Variants in TOP3B observed in about 807,000 individuals in gnomAD.
TOP3B encodes the protein DNA topoisomerase III beta.
A neutral mutation model predicts 93.9 loss-of-function variants in TOP3B; 45 were observed. The observed-to-expected ratio is 0.48, with a 90% CI of 0.38 to 0.61. The LOEUF is 0.61. Among genes scored for constraint, TOP3B ranks in the 20% least tolerant of loss-of-function variants. TOP3B has a pLI of 0.00. For missense variants in TOP3B, 750 were observed against 1,156.1 expected, an observed-to-expected ratio of 0.65 and a Z score of 5.09; for synonymous variants, 357 against 472.6, an observed-to-expected ratio of 0.76 and a Z score of 3.17.
intron 17 of TOP3B, 64 bp downstream of exon 17, chr22:21,958,428 G>C (rs777478531): frequency 2.0e-5 from 32 of 1,609,640 alleles, no homozygotes; most frequent in Non-Finnish European, 2.4e-5. Context: ...CTGGTGCAAG[G>C]CAGGGGTTGG....
chr22:21,981,658 G>A (rs982808353), intron 1 of TOP3B, among the ~76,000 whole-genome samples: 3 of 152,058 alleles, frequency 2.0e-5, no homozygotes, highest in Non-Finnish European at 4.4e-5. Flanking sequence ...TTAGCTGGGC[G>A]TGGTGGCGCA....
In TOP3B at chr22:21,971,284, C is replaced by T. The variant is rs1017507852; in HGVS notation, c.384+593G>A. 2.4e-5 allele frequency: 6 copies of T among 246,516 alleles called. No homozygotes were observed. Among genetic ancestry groups the T allele is most frequent in the South Asian group, 8.4e-5 (3 of 35,518 alleles). 15.3% of individuals were successfully genotyped at this position (246,516 alleles called of 1,614,324 possible). A position where few individuals can be genotyped will look rare whatever the true frequency, so the allele number is the denominator to read the frequency against. ...AGCTGGGGGTACAGGAGCACGGGGGCGACCCATAGAACAACAGTCTGAAGG... is the reference window on the plus strand; with the variant it reads ...AGCTGGGGGTACAGGAGCACGGGGGTGACCCATAGAACAACAGTCTGAAGG... On this transcript the variant is annotated intron_variant, in intron 5 of 17. Transcript: ENST00000357179. This position sits in a 1 kb window ranked among gnomAD's most constrained non-coding sequence, Gnocchi z 4.6.
Position 21,960,324 on chromosome 22 carries a change from T to C in TOP3B, c.1651A>G (p.Ile551Val). The change falls in exon 14 of 18, where the codon ATT becomes GTT. Residue 551 changes from isoleucine (I) to valine (V), a missense_variant. Around this residue, in one of 4 missense-constraint regions of TOP3B, gnomAD observed 737 missense variants for 933.7 expected, o/e 0.79. Coordinates refer to ENST00000357179, the MANE Select transcript of TOP3B (RefSeq NM_001282112.2). ...GIVLVHGYYK[I>V]DAELVLPTIR... ...GGGGCAGGACTGAGGAACTCACCAATCTTATAGTAGCCGTGCACCAGGACG... is the reference window on the plus strand; with the variant it reads ...GGGGCAGGACTGAGGAACTCACCAACCTTATAGTAGCCGTGCACCAGGACG... 2 of 1,613,252 alleles carry C rather than the reference T, an allele frequency of 1.2e-6. No individual in the cohort carries two copies. Among genetic ancestry groups the C allele is most frequent in the Non-Finnish European group, 1.7e-6 (2 of 1,179,884 alleles).
At chr22:21,969,758 A>G (rs2071556646) in intron 6 of TOP3B, 1 of 155,770 alleles carries the variant, frequency 6.4e-6, no homozygotes, top group Non-Finnish European at 1.4e-5. Flanking sequence ...CCCTGTCTCT[A>G]CAAAATGCAT....
Position 21,970,603 on chromosome 22 carries a change from T to C in TOP3B, c.385-197A>G. On this transcript the variant is annotated intron_variant, in intron 5 of 17. Coordinates refer to ENST00000357179, the MANE Select transcript of TOP3B (RefSeq NM_001282112.2). This position sits in a 1 kb window ranked among gnomAD's most constrained non-coding sequence, Gnocchi z 4.4. ...TATCCCCCTGCCTTTCCAGAAGCCCTGAGCACTCCACAACACCCCACCACA... is the reference window on the plus strand; with the variant it reads ...TATCCCCCTGCCTTTCCAGAAGCCCCGAGCACTCCACAACACCCCACCACA... The C allele has an allele frequency of 1.6e-6, 1 of 615,446 alleles. No individual in the cohort carries two copies. The allele number at this position is 615,446 out of a possible 1,614,324, so 38.1% of individuals were successfully genotyped here.
Position 21,976,777 on chromosome 22 carries a change from CA to C in TOP3B, c.-98-971del, listed in dbSNP as rs570600892. 309 of 152,204 alleles carry C rather than the reference CA, an allele frequency of 2.0e-3. 2 individuals are homozygous for C. Among genetic ancestry groups the C allele is most frequent in the African/African-American group, 7.2e-3 (299 of 41,520 alleles). The allele number at this position is 152,204 out of a possible 1,614,324, so 9.4% of individuals were successfully genotyped here. A position where few individuals can be genotyped will look rare whatever the true frequency, so the allele number is the denominator to read the frequency against. ...ACCTGCTAGCCAAGTAAAAGAAAAC[CA>C]CATGAACCCTTTTTGTTTTTTCAGT... On this transcript the variant is annotated intron_variant, in intron 1 of 17. Transcript: ENST00000357179.
In TOP3B at chr22:21,975,729, C is replaced by T. The variant is rs759538311; in HGVS notation, c.-20G>A. ...CTTCATTTTGTCTCGGTCCTTCACA[C>T]TCCAGTTTCGGGGCACTGGCAATGA... On this transcript the variant is annotated 5_prime_UTR_variant, in exon 2 of 18. In the 5' UTR this introduces an upstream ATG that the reference lacks. Coordinates refer to ENST00000357179, the MANE Select transcript of TOP3B (RefSeq NM_001282112.2). 2.1e-5 allele frequency: 33 copies of T among 1,598,660 alleles called. No homozygotes were observed. Among genetic ancestry groups the T allele is most frequent in the Non-Finnish European group, 2.8e-5 (33 of 1,169,038 alleles).
At chr22:21,960,533 C>T in intron 13 of TOP3B, 84 bp from the exon 14 acceptor site, 3 of 1,572,388 alleles carry the variant, frequency 1.9e-6, no homozygotes, top group Non-Finnish European at 8.6e-7. Context: ...GTCACGGGGC[C>T]CCTGGTGCTC....
chr22:21,972,063 G>A lies in TOP3B; in HGVS notation c.310-112C>T, dbSNP rs1440750756. 1.2e-5 allele frequency: 10 copies of A among 845,392 alleles called. No individual in the cohort carries two copies. The South Asian group carries it at 1.7e-4, about 14-fold the overall frequency. 52.4% of individuals were successfully genotyped at this position (845,392 alleles called of 1,614,324 possible). On this transcript the variant is annotated intron_variant, in intron 4 of 17. Coordinates refer to ENST00000357179, the MANE Select transcript of TOP3B (RefSeq NM_001282112.2). Reference sequence around the variant, plus strand: ...GGTCCCAGGCCCTGAACCTCAGTTAGGAGGACTGGTACCTGGGCTGGGTAA... The same window carrying A: ...GGTCCCAGGCCCTGAACCTCAGTTAAGAGGACTGGTACCTGGGCTGGGTAA...
At chr22:21,972,041 C>T in intron 4 of TOP3B, 90 bp from the exon 5 acceptor site, 2 of 1,173,760 alleles carry the variant, frequency 1.7e-6, no homozygotes, top group Non-Finnish European at 2.4e-6. Flanking sequence ...AGGGCTTGGT[C>T]CCAGGCCCTG....
In TOP3B at chr22:21,974,390, C is replaced by CAG; in HGVS notation, c.167_168dup (p.Val57LeufsTer6). 6.2e-7 allele frequency: 1 copy of CAG among 1,614,182 alleles called. No homozygotes were observed. The highest frequency in any genetic ancestry group is 8.5e-7 in the Non-Finnish European group (1 of 1,180,014). On this transcript the variant is annotated frameshift_variant, in exon 3 of 18. Coordinates refer to ENST00000357179, the MANE Select transcript of TOP3B (RefSeq NM_001282112.2). LOFTEE classifies it high-confidence loss of function. Reference sequence around the variant, plus strand: ...TCCAGGGTCATCACGTGACCACAGACAGACGTCATCTTGAAGCGCACTGGC... The same window carrying CAG: ...TCCAGGGTCATCACGTGACCACAGACAGAGACGTCATCTTGAAGCGCACTGGC...
intron 2 of TOP3B, chr22:21,975,270 G>C (rs2071815799): frequency 5.5e-6 from 1 of 180,838 alleles, no homozygotes; most frequent in South Asian, 1.3e-4. Flanking sequence ...GGAGTATCCA[G>C]GGGTGACAAT....
chr22:21,979,781 A>G (rs1280181858), intron 1 of TOP3B, among the ~76,000 whole-genome samples: 1 of 151,066 alleles, frequency 6.6e-6, no homozygotes, highest in African/African-American at 2.5e-5. Flanking sequence ...CTCTACTAAA[A>G]ATACTAAAAA....
intron 17 of TOP3B, chr22:21,958,250 G>A: frequency 1.5e-6 from 2 of 1,372,680 alleles, no homozygotes; most frequent in Non-Finnish European, 1.9e-6. Flanking sequence ...GCACACCTGT[G>A]CCCAGGTCCT....
chr22:21,979,680 G>A (rs557327618), intron 1 of TOP3B, among the ~76,000 whole-genome samples: 28 of 150,730 alleles, frequency 1.9e-4, no homozygotes, highest in South Asian at 1.7e-3. Flanking sequence ...GGTGGCTCAC[G>A]CCTGTAATCC....
Position 21,975,836 on chromosome 22 carries a change from G to T in TOP3B, c.-98-29C>A, listed in dbSNP as rs925326051. The T allele has an allele frequency of 5.4e-6, 7 of 1,304,594 alleles. No individual in the cohort carries two copies. In the East Asian group the frequency reaches 1.9e-4, roughly 35 times the overall value. 80.8% of individuals were successfully genotyped at this position (1,304,594 alleles called of 1,614,324 possible). ...AAGAGAAGAAAAGACACTCAGGATA[G>T]CAATGCTGTCAATAGAACCTACACC... On this transcript the variant is annotated intron_variant, in intron 1 of 17. Coordinates refer to ENST00000357179, the MANE Select transcript of TOP3B (RefSeq NM_001282112.2).
chr22:21,979,356 G>A (rs1377711615), intron 1 of TOP3B, among the ~76,000 whole-genome samples: 2 of 151,976 alleles, frequency 1.3e-5, no homozygotes, highest in African/African-American at 4.8e-5. Flanking sequence ...ATTACAGAGG[G>A]GCCTGGGTGG....
intron 9 of TOP3B, 81 bp downstream of exon 9, chr22:21,965,204 G>A: frequency 2.0e-6 from 2 of 998,870 alleles, no homozygotes; most frequent in Admixed American, 2.8e-5. Context: ...GCACCATCCT[G>A]CAACCCTGGG....
At chr22:21,959,953 GT>G (rs2071094777) in intron 14 of TOP3B, 2 of 682,896 alleles carry the variant, frequency 2.9e-6, no homozygotes, top group Non-Finnish European at 4.8e-6. Context: ...GTCAGGCAGA[GT>G]GGCCAGGGAT....
Sources: allele counts gnomAD v4.1 joint callset (sites outside exome capture counted in the v4.1 genomes callset), GRCh38; gene constraint gnomAD v4.1.1; regional missense constraint gnomAD v4.1.1; non-coding constraint Gnocchi (gnomAD v3.1); transcripts MANE v1.5; gene names NCBI Gene and HGNC (gene_info 2026-07-23, HGNC 2026-07-21).